Variants in CADM1 observed in about 807,000 individuals in gnomAD.
CADM1 encodes the protein TSLC-1.
Under a neutral mutation model 53.1 loss-of-function variants are expected in CADM1, and 15 were observed. That is an observed-to-expected ratio of 0.28 (90% confidence interval 0.19 to 0.44). The LOEUF (loss-of-function observed/expected upper bound fraction) is 0.44, where lower values mean the gene tolerates loss of function less well. Ranked by LOEUF, CADM1 falls within the 20% of genes least tolerant of loss-of-function variation. The pLI is 1.00. For missense variants in CADM1, 434 were observed against 611.3 expected (o/e 0.71, Z 3.06); for synonymous variants, 281 against 243.0 (o/e 1.16, Z -1.45).
chr11:115,298,557 G>C (rs770714231), intron 1 of CADM1, among the ~76,000 whole-genome samples: 1 of 152,148 alleles, frequency 6.6e-6, no homozygotes, highest in Admixed American at 6.5e-5. Flanking sequence ...CTTTAGCTCC[G>C]TATGTTCATG....
chr11:115,214,872 G>A, intron 6 of CADM1, 92 bp from the exon 7 acceptor site: 1 of 1,167,772 alleles, frequency 8.6e-7, no homozygotes, highest in Non-Finnish European at 1.3e-6. Context: ...AATTAATGAG[G>A]ACCTACTGGA....
At chr11:115,218,122 T>G in intron 5 of CADM1, 131 bp from the exon 6 acceptor site, 1 of 695,314 alleles carries the variant, frequency 1.4e-6, no homozygotes, top group African/African-American at 1.8e-5. Flanking sequence ...GTAACACCCT[T>G]CTAATTAGTT....
intron 1 of CADM1, among the ~76,000 whole-genome samples, chr11:115,386,936 A>G (rs963094554): frequency 6.6e-6 from 1 of 152,230 alleles, no homozygotes; most frequent in African/African-American, 2.4e-5. Context: ...ATTTATCACC[A>G]GTAAGCTAGC....
intron 8 of CADM1, 83 bp downstream of exon 8, chr11:115,209,491 G>A: frequency 6.3e-7 from 1 of 1,591,970 alleles, no homozygotes; most frequent in South Asian, 1.1e-5. Flanking sequence ...AGGATTTAAA[G>A]GGAACTTTTC....
chr11:115,284,114 C>CTCTCTGTGTGTG (rs1351842329), intron 1 of CADM1, among the ~76,000 whole-genome samples: 3 of 98,690 alleles, frequency 3.0e-5, no homozygotes, highest in African/African-American at 1.2e-4. Flanking sequence ...CTCTCTCTCT[C>CTCTCTGTGTGTG]TGTGTGTGTG....
At chr11:115,407,829 G>A (rs1007782722) in intron 1 of CADM1, among the ~76,000 whole-genome samples, 3 of 117,314 alleles carry the variant, frequency 2.6e-5, no homozygotes, top group African/African-American at 9.9e-5. Flanking sequence ...CCATACCATC[G>A]CACTCCAGCT....
chr11:115,326,806 G>A lies in CADM1; in HGVS notation c.125-86386C>T, dbSNP rs542416723. Among the ~76,000 whole-genome samples the A allele has an allele frequency of 5.9e-5, 9 of 152,232 alleles. No individual in the cohort carries two copies. The East Asian group carries it at 9.7e-4, about 16-fold the overall frequency. ...TAAGCTGCATTTTCAGTGAACAAACGACTGCCTTTAAAACACCAAAGCATT... is the reference window on the plus strand; with the variant it reads ...TAAGCTGCATTTTCAGTGAACAAACAACTGCCTTTAAAACACCAAAGCATT... On this transcript the variant is annotated intron_variant, in intron 1 of 11. Coordinates refer to ENST00000331581, the MANE Select transcript of CADM1 (RefSeq NM_001301043.2).
chr11:115,384,746 G>A lies in CADM1; in HGVS notation c.124+119525C>T, dbSNP rs115823753. On this transcript the variant is annotated intron_variant, in intron 1 of 11. Coordinates refer to ENST00000331581, the MANE Select transcript of CADM1 (RefSeq NM_001301043.2). ...TCAAGTATGACTAACACCTACAAAC[G>A]TACAGTCTGAAAATAACTCTGGTGG... Among the ~76,000 whole-genome samples the A allele has an allele frequency of 6.2e-3, 938 of 152,186 alleles. 13 individuals are homozygous for A. Among genetic ancestry groups the A allele is most frequent in the African/African-American group, 0.022 (899 of 41,528 alleles).
intron 1 of CADM1, among the ~76,000 whole-genome samples, chr11:115,374,552 C>T (rs1426305897): frequency 5.3e-5 from 8 of 152,078 alleles, no homozygotes; most frequent in Non-Finnish European, 1.5e-5. Flanking sequence ...AATAAATCTA[C>T]GCAGTGATCT....
chr11:115,468,947 TA>T (rs1948951870), intron 1 of CADM1, among the ~76,000 whole-genome samples: 1 of 152,094 alleles, frequency 6.6e-6, no homozygotes, highest in Admixed American at 6.5e-5. Flanking sequence ...CTCCCCTTTA[TA>T]AAACCATCAG....
At chr11:115,213,534 T>C (rs528622021) in intron 7 of CADM1, among the ~76,000 whole-genome samples, 154 of 152,328 alleles carry the variant, frequency 1.0e-3, no homozygotes, top group Non-Finnish European at 1.6e-3. Flanking sequence ...TTAATATCCA[T>C]GCAGATATGG....
At chr11:115,406,308 C>T (rs888999584) in intron 1 of CADM1, among the ~76,000 whole-genome samples, 1 of 151,076 alleles carries the variant, frequency 6.6e-6, no homozygotes, top group Non-Finnish European at 1.5e-5. Context: ...TATGCTAGAC[C>T]CCAGAATATA....
intron 1 of CADM1, among the ~76,000 whole-genome samples, chr11:115,276,602 T>C (rs1943451285): frequency 6.6e-6 from 1 of 152,338 alleles, no homozygotes; most frequent in African/African-American, 2.4e-5. Context: ...GGAGCATCAA[T>C]GTTATTTTTG....
At chr11:115,445,855 C>T (rs1948439751) in intron 1 of CADM1, 4 of 420,132 alleles carry the variant, frequency 9.5e-6, no homozygotes, top group South Asian at 1.7e-5. Flanking sequence ...AAAGAAAAAA[C>T]GAGAGAGAGA....
At position 115,295,542 on chromosome 11, in the gene CADM1, ATATATAT is replaced by A. The variant is rs1565349457; in HGVS notation, c.125-55129_125-55123del. Reference sequence around the variant, plus strand: ...TATATATATATATATATATATATATATATATATAATATATATGTATATGCACATATAT... The same window carrying A: ...TATATATATATATATATATATATATAAATATATATGTATATGCACATATAT... On this transcript the variant is annotated intron_variant, in intron 1 of 11. Coordinates refer to ENST00000331581, the MANE Select transcript of CADM1 (RefSeq NM_001301043.2). Among the ~76,000 whole-genome samples the A allele has an allele frequency of 6.8e-4, 38 of 56,270 alleles. 1 individual carries two copies. The South Asian group carries it at 0.013, about 20-fold the overall frequency. The allele number at this position is 56,270 out of a possible 152,430, so 36.9% of individuals were successfully genotyped here. A position where few individuals can be genotyped will look rare whatever the true frequency, so the allele number is the denominator to read the frequency against.
At chr11:115,433,127 C>A (rs1017932627) in intron 1 of CADM1, among the ~76,000 whole-genome samples, 3 of 151,956 alleles carry the variant, frequency 2.0e-5, no homozygotes, top group Non-Finnish European at 4.4e-5. Context: ...CACAGACCAC[C>A]CCCCCACCCA....
chr11:115,334,989 T>C (rs976554135), intron 1 of CADM1, among the ~76,000 whole-genome samples: 4 of 152,158 alleles, frequency 2.6e-5, no homozygotes, highest in South Asian at 2.1e-4. Context: ...TCTGAACTTA[T>C]ATCTTTCTCT....
chr11:115,198,623 T>A (rs1940275266), intron 8 of CADM1, among the ~76,000 whole-genome samples, 185 bp from the exon 9 acceptor site: 1 of 152,206 alleles, frequency 6.6e-6, no homozygotes, highest in Non-Finnish European at 1.5e-5. Flanking sequence ...TTTTAAGACA[T>A]GCCTTGAGCT....
intron 1 of CADM1, among the ~76,000 whole-genome samples, chr11:115,270,959 C>G (rs911887839): frequency 4.7e-5 from 7 of 149,898 alleles, no homozygotes; most frequent in African/African-American, 1.3e-4. Flanking sequence ...TGAAAAACAT[C>G]TCAACACAAC....
Sources: allele counts gnomAD v4.1 joint callset (sites outside exome capture counted in the v4.1 genomes callset), GRCh38; gene constraint gnomAD v4.1.1; transcripts MANE v1.5; gene names NCBI Gene and HGNC (gene_info 2026-07-23, HGNC 2026-07-21).